The following MAP3K5 variants were observed in gnomAD, a reference collection of about 807,000 sequenced individuals.
MAP3K5 encodes mitogen-activated protein kinase kinase kinase 5.
In MAP3K5, 56 loss-of-function variants were observed where a neutral mutation model predicts 158.7. The ratio of observed to expected loss-of-function variants is 0.35; its 90% CI spans 0.28 to 0.44. The LOEUF (loss-of-function observed/expected upper bound fraction) is 0.44, where lower values mean the gene tolerates loss of function less well. Ranked by LOEUF, MAP3K5 falls within the 20% of genes least tolerant of loss-of-function variation. The pLI, the probability that MAP3K5 is intolerant of heterozygous loss-of-function variation, is 1.00. For missense variants in MAP3K5, 1,294 were observed against 1,674.8 expected, an observed-to-expected ratio of 0.77 and a Z score of 3.97; for synonymous variants, 579 against 601.7, an observed-to-expected ratio of 0.96 and a Z score of 0.55.
chr6:136,733,667 C>T (rs532161909), intron 1 of MAP3K5, among the ~76,000 whole-genome samples: 19 of 151,792 alleles, frequency 1.3e-4, no homozygotes, highest in African/African-American at 4.6e-4. Flanking sequence ...AGGTTCATGG[C>T]AAAATTGAGA....
intron 29 of MAP3K5, among the ~76,000 whole-genome samples, chr6:136,558,248 G>A (rs1279476032): frequency 1.3e-5 from 2 of 152,106 alleles, no homozygotes; most frequent in African/African-American, 2.4e-5. Flanking sequence ...GCGTGGTGGT[G>A]GGCGCCTATA....
intron 3 of MAP3K5, 28 bp from the exon 4 acceptor site, chr6:136,698,710 G>C (rs192205020): frequency 1.9e-6 from 3 of 1,577,122 alleles, no homozygotes; most frequent in Admixed American, 3.4e-5. Context: ...ATCGGCAAGT[G>C]GGGAGCTGGC....
chr6:136,668,143 G>A (rs1554295485), intron 8 of MAP3K5, among the ~76,000 whole-genome samples: 1 of 151,988 alleles, frequency 6.6e-6, no homozygotes, highest in Non-Finnish European at 1.5e-5. Flanking sequence ...AGTACTTTGG[G>A]AGGCTGTGGC....
chr6:136,715,682 T>C (rs1781487700), intron 2 of MAP3K5, among the ~76,000 whole-genome samples: 2 of 152,172 alleles, frequency 1.3e-5, no homozygotes, highest in South Asian at 2.1e-4. Context: ...TATATTGATA[T>C]TGACGTCTGA....
chr6:136,789,365 C>T (rs1447342273), intron 1 of MAP3K5, among the ~76,000 whole-genome samples: 1 of 152,132 alleles, frequency 6.6e-6, no homozygotes, highest in South Asian at 2.1e-4. Flanking sequence ...GATGCACTAC[C>T]TTCATTCTGT....
chr6:136,722,789 C>A (rs983173544), intron 1 of MAP3K5, among the ~76,000 whole-genome samples: 3 of 150,384 alleles, frequency 2.0e-5, no homozygotes, highest in Non-Finnish European at 4.4e-5. Flanking sequence ...TGGGCTCAAG[C>A]GATCCTTCAG....
chr6:136,572,973 G>A (rs1039082757), intron 25 of MAP3K5, among the ~76,000 whole-genome samples: 8 of 152,120 alleles, frequency 5.3e-5, no homozygotes, highest in Non-Finnish European at 1.0e-4. Context: ...GATTATCTCA[G>A]GTATAGACCT....
rs1363249394 is a variant in MAP3K5, at chr6:136,557,630, CAT to C, written c.*126_*127del. ...TTTTGTCTGTTTTTTTTTTTTTTAA[CAT>C]GAGTAAACAAATACTGGATTTAAAG... is the stretch of plus-strand genomic sequence containing the variant. On this transcript the variant is annotated 3_prime_UTR_variant, in exon 30 of 30. Coordinates refer to ENST00000359015, the MANE Select transcript of MAP3K5 (RefSeq NM_005923.4). The C allele has an allele frequency of 8.9e-6, 4 of 448,538 alleles. No homozygotes were observed. The Admixed American group carries it at 1.6e-4, about 18-fold the overall frequency. 27.8% of individuals were successfully genotyped at this position (448,538 alleles called of 1,614,324 possible). A position where few individuals can be genotyped will look rare whatever the true frequency, so the allele number is the denominator to read the frequency against.
chr6:136,619,553 G>A lies in MAP3K5; in HGVS notation c.2150+3295C>T, dbSNP rs151090809. Among the ~76,000 whole-genome samples, 1,122 of 152,228 alleles carry A rather than the reference G, an allele frequency of 7.4e-3. 20 individuals carry two copies. The highest frequency in any genetic ancestry group is 0.025 in the African/African-American group (1,049 of 41,526). ...CCCCTTATCAACATTCCCCACCAGA[G>A]TAGTCCATTTGTTACAACTGATGGA... On this transcript the variant is annotated intron_variant, in intron 15 of 29. Coordinates refer to ENST00000359015, the MANE Select transcript of MAP3K5 (RefSeq NM_005923.4).
At chr6:136,645,766 GA>G (rs1778223598) in intron 11 of MAP3K5, among the ~76,000 whole-genome samples, 1 of 152,142 alleles carries the variant, frequency 6.6e-6, no homozygotes, top group South Asian at 2.1e-4. Context: ...TTCAAGTTTT[GA>G]AAGTTGCAGT....
chr6:136,760,978 C>G (rs569280243), intron 1 of MAP3K5, among the ~76,000 whole-genome samples: 1 of 151,978 alleles, frequency 6.6e-6, no homozygotes, highest in Admixed American at 6.6e-5. Context: ...CAAAACAAAA[C>G]GAAACAAAAC....
At chr6:136,715,071 A>G (rs970999593) in intron 2 of MAP3K5, among the ~76,000 whole-genome samples, 13 of 152,230 alleles carry the variant, frequency 8.5e-5, no homozygotes, top group Non-Finnish European at 8.8e-5. Flanking sequence ...AATTTTTTGA[A>G]CAAGAAATAA....
At chr6:136,571,212 G>T (rs1414914731) in intron 25 of MAP3K5, among the ~76,000 whole-genome samples, 1 of 152,094 alleles carries the variant, frequency 6.6e-6, no homozygotes, top group Non-Finnish European at 1.5e-5. Context: ...TCAATGCTGA[G>T]AACTTTCTTT....
intron 21 of MAP3K5, among the ~76,000 whole-genome samples, chr6:136,594,683 G>A (rs35312912): frequency 0.015 from 2,327 of 152,202 alleles, 29 homozygotes; most frequent in Non-Finnish European, 0.025. Flanking sequence ...ACTCAGAAAC[G>A]GAGGTGTGCA....
At chr6:136,656,486 G>GT (rs963907016) in intron 9 of MAP3K5, 26 bp from the exon 10 acceptor site, 20 of 1,474,602 alleles carry the variant, frequency 1.4e-5, no homozygotes, top group African/African-American at 2.8e-5. Context: ...TATAAAACAT[G>GT]TAACAGACAA....
intron 26 of MAP3K5, among the ~76,000 whole-genome samples, chr6:136,564,305 G>T (rs1488126493): frequency 6.6e-6 from 1 of 152,204 alleles, no homozygotes; most frequent in African/African-American, 2.4e-5. Context: ...AGAGTAGGTA[G>T]CAGAGGTGGG....
At chr6:136,787,215 C>T (rs1784889834) in intron 1 of MAP3K5, among the ~76,000 whole-genome samples, 2 of 152,058 alleles carry the variant, frequency 1.3e-5, no homozygotes, top group South Asian at 4.1e-4. Context: ...AGGAAAAAAG[C>T]AAACAAAAAA....
chr6:136,760,513 A>T (rs143412082), intron 1 of MAP3K5, among the ~76,000 whole-genome samples: 1 of 152,368 alleles, frequency 6.6e-6, no homozygotes, highest in Non-Finnish European at 1.5e-5. Flanking sequence ...TTATTTGTTA[A>T]TTTATTGATT....
chr6:136,746,631 G>A (rs1484752485), intron 1 of MAP3K5, among the ~76,000 whole-genome samples: 2 of 152,086 alleles, frequency 1.3e-5, no homozygotes, highest in Non-Finnish European at 2.9e-5. Context: ...CAAAATCTAT[G>A]TATAATCATG....
Sources: gnomAD v4.1 joint callset for allele counts (sites outside exome capture counted in the v4.1 genomes callset) on GRCh38, gnomAD v4.1.1 for gene constraint, MANE v1.5 for transcripts, NCBI Gene and HGNC (gene_info 2026-07-23, HGNC 2026-07-21) for gene names.